The following DDX3Y variants were observed in gnomAD, a reference collection of about 807,000 sequenced individuals.
DDX3Y encodes the protein DEAD-box helicase 3 Y-linked.
Under a neutral mutation model 15.1 loss-of-function variants are expected in DDX3Y, and 2 were observed. The ratio of observed to expected loss-of-function variants is 0.13; its 90% CI spans 0.05 to 0.42. DDX3Y has a LOEUF of 0.42. DDX3Y is among the 10% of genes least tolerant of loss of function. The pLI is 0.99. For synonymous variants in DDX3Y, 47 were observed against 45.0 expected, an observed-to-expected ratio of 1.04 and a Z score of -0.18; for missense variants, 81 against 149.9, an observed-to-expected ratio of 0.54 and a Z score of 2.40.
chrY:12,905,566 C>G (rs2053608853), intron 1 of DDX3Y: 1 of 38,588 alleles, frequency 2.6e-5, no homozygotes, highest in East Asian at 7.7e-4. Context: ...TTCTTGAAGA[C>G]GAGTGACTAT....
In DDX3Y at chrY:12,909,364, G is replaced by T; in HGVS notation, c.108G>T (p.Gly36=). The part of the protein sequence containing the change: ...QSGGASTASK[G]RYIPPHLRNR... ...ATTTTACATTTTCTCTTTTAGAAGG[G>T]CGCTATATACCTCCTCACTTAAGGA... is the stretch of plus-strand genomic sequence containing the variant. The change falls in exon 3 of 17, where the codon GGG becomes GGT. Residue 36 remains glycine (G), a synonymous_variant. Transcript: ENST00000336079. The T allele has an allele frequency of 2.5e-6, 1 of 394,303 alleles. No homozygotes were observed. The highest frequency in any genetic ancestry group is 3.6e-6 in the Non-Finnish European group (1 of 280,986).
chrY:12,909,226 C>T, intron 2 of DDX3Y, 134 bp from the exon 3 acceptor site: 1 of 171,157 alleles, frequency 5.8e-6, no homozygotes, highest in Non-Finnish European at 1.0e-5. Flanking sequence ...TTCCGCTCAT[C>T]TTGCAAAGTA....
At chrY:12,912,918 T>C in intron 5 of DDX3Y, 36 bp downstream of exon 5, 1 of 395,291 alleles carries the variant, frequency 2.5e-6, no homozygotes, top group Non-Finnish European at 3.6e-6. Flanking sequence ...TGTTATGAAA[T>C]TTATTGCTTA....
At chrY:12,906,754 G>C (rs745514087) in intron 1 of DDX3Y, among the ~76,000 whole-genome samples, 7 of 27,166 alleles carry the variant, frequency 2.6e-4, no homozygotes, top group African/African-American at 8.9e-4. Context: ...CACCGCTTCA[G>C]AGTTGTTCTA....
chrY:12,914,687 A>G, intron 8 of DDX3Y, 38 bp downstream of exon 8: 1 of 343,506 alleles, frequency 2.9e-6, no homozygotes, highest in Non-Finnish European at 4.2e-6. Context: ...TTTTTGTTTT[A>G]AAAAGCTTTG....
chrY:12,919,821 A>G lies in DDX3Y; in HGVS notation c.*1699A>G. The G allele has an allele frequency of 3.0e-5, 1 of 33,898 alleles. No individual in the cohort carries two copies. Among genetic ancestry groups the G allele is most frequent in the African/African-American group, 1.2e-4 (1 of 8,646 alleles). 8.5% of individuals were successfully genotyped at this position (33,898 alleles called of 400,897 possible). On this transcript the variant is annotated 3_prime_UTR_variant, in exon 17 of 17. Transcript: ENST00000336079. ...TATTTGCACACAACAGATTTTAGAT[A>G]CTTTTTGCTGCTAGTTGTGTAATAT...
intron 1 of DDX3Y, among the ~76,000 whole-genome samples, chrY:12,907,016 A>G: frequency 3.5e-5 from 1 of 28,425 alleles, no homozygotes; most frequent in African/African-American, 2.2e-4. Context: ...GTAGTACTCA[A>G]AACATAGTGA....
chrY:12,913,762 A>T lies in DDX3Y; in HGVS notation c.582A>T (p.Glu194Asp), dbSNP rs1293777258. The change falls in exon 7 of 17, where the codon GAA becomes GAT. Residue 194 changes from glutamate (E) to aspartate (D), a missense_variant. Around this residue, in one of 2 missense-constraint regions of DDX3Y, gnomAD observed 52 missense variants for 122.8 expected, o/e 0.42. Coordinates refer to ENST00000336079, the MANE Select transcript of DDX3Y (RefSeq NM_004660.5). Reference sequence around the variant, plus strand: ...GAGAAATTATCATGGGGAACATTGAACTTACTCGCTATACTCGTCCTACTC... The same window carrying T: ...GAGAAATTATCATGGGGAACATTGATCTTACTCGCTATACTCGTCCTACTC... ...DMGEIIMGNI[E>D]LTRYTRPTPV... The T allele has an allele frequency of 6.8e-5, 27 of 397,274 alleles. No individual in the cohort carries two copies. The highest frequency in any genetic ancestry group is 9.6e-5 in the Non-Finnish European group (27 of 282,257).
chrY:12,904,397 T>C, upstream of DDX3Y: 1 of 38,052 alleles, frequency 2.6e-5, no homozygotes, highest in Admixed American at 2.5e-4. Context: ...GTTCCAACTT[T>C]GCTGAAGCTT....
chrY:12,907,853 C>T (rs1603206330), intron 2 of DDX3Y, among the ~76,000 whole-genome samples: 2 of 33,556 alleles, frequency 6.0e-5, no homozygotes, highest in East Asian at 1.5e-3. Flanking sequence ...TTGCTTAAGC[C>T]TGGGAGGCTG....
intron 1 of DDX3Y, among the ~76,000 whole-genome samples, chrY:12,905,294 G>A (rs2053608575): frequency 2.9e-5 from 1 of 34,253 alleles, no homozygotes; most frequent in Admixed American, 2.6e-4. Flanking sequence ...CCACGAACCC[G>A]TTTGTGAGGG....
chrY:12,905,417 A>T, intron 1 of DDX3Y, among the ~76,000 whole-genome samples: 1 of 33,749 alleles, frequency 3.0e-5, no homozygotes, highest in African/African-American at 1.2e-4. Flanking sequence ...AAGAAAGTGT[A>T]TTCAGGCCAC....
In DDX3Y at chrY:12,914,920, A is replaced by T; in HGVS notation, c.796A>T (p.Ile266Leu). ...GTATGGGCGCCGCAAACAATATCCA[A>T]TATCCTTGGTTTTAGCCCCAACAAG... ...GRYGRRKQYP[I>L]SLVLAPTREL... Residue 266 changes from isoleucine (I) to leucine (L), a missense_variant, in exon 9 of 17, where the codon ATA becomes TTA. By Grantham distance (5) the Ile-to-Leu change is conservative (BLOSUM62 2). Coordinates refer to ENST00000336079, the MANE Select transcript of DDX3Y (RefSeq NM_004660.5). 2.5e-6 allele frequency: 1 copy of T among 397,755 alleles called. No individual in the cohort carries two copies. The highest frequency in any genetic ancestry group is 3.5e-6 in the Non-Finnish European group (1 of 282,879).
intron 3 of DDX3Y, among the ~76,000 whole-genome samples, chrY:12,911,184 A>G (rs2053626545): frequency 3.0e-5 from 1 of 33,013 alleles, no homozygotes; most frequent in African/African-American, 1.2e-4. Context: ...AAGTGCTGGG[A>G]TTACAGGTGT....
At position 12,915,909 on chromosome Y, in the gene DDX3Y, A is replaced by G. The variant is rs765314448; in HGVS notation, c.1191A>G (p.Glu397=). 1 of 398,712 alleles carries G rather than the reference A, an allele frequency of 2.5e-6. No homozygotes were observed. Among genetic ancestry groups the G allele is most frequent in the Non-Finnish European group, 3.5e-6 (1 of 283,426 alleles). The part of the protein sequence containing the change: ...IQMLARDFLD[E]YIFLAVGRVG... ...TGCTTGCTCGTGACTTTTTGGATGA[A>G]TATATCTTTTTGGCTGTAGGCAGAG... is the stretch of plus-strand genomic sequence containing the variant. The change falls in exon 12 of 17, where the codon GAA becomes GAG. Residue 397 remains glutamate, a synonymous_variant. Coordinates refer to ENST00000336079, the MANE Select transcript of DDX3Y (RefSeq NM_004660.5).
chrY:12,907,897 C>G (rs2053616704), intron 2 of DDX3Y, among the ~76,000 whole-genome samples: 1 of 33,720 alleles, frequency 3.0e-5, no homozygotes, highest in Admixed American at 2.7e-4. Flanking sequence ...GGCCACTGCA[C>G]TCCAGCATGG....
intron 2 of DDX3Y, among the ~76,000 whole-genome samples, chrY:12,908,932 C>T (rs371791277): frequency 6.0e-5 from 2 of 33,352 alleles, no homozygotes; most frequent in South Asian, 1.4e-3. Context: ...GTGATCTGCC[C>T]GCCTTGGCCT....
chrY:12,905,827 A>C (rs1338408126), intron 1 of DDX3Y: 2 of 291,227 alleles, frequency 6.9e-6, no homozygotes, highest in East Asian at 4.5e-4. Context: ...TTAGAGATCC[A>C]GCATTGCGCT....
chrY:12,904,586 G>T, upstream of DDX3Y, among the ~76,000 whole-genome samples: 1 of 33,662 alleles, frequency 3.0e-5, no homozygotes, highest in African/African-American at 1.2e-4. Flanking sequence ...CGAAAAAGGC[G>T]AAAGATATCT....
Sources: allele counts gnomAD v4.1 joint callset (sites outside exome capture counted in the v4.1 genomes callset), GRCh38; gene constraint gnomAD v4.1.1; regional missense constraint gnomAD v4.1.1; transcripts MANE v1.5; gene names NCBI Gene and HGNC (gene_info 2026-07-23, HGNC 2026-07-21).